GABRP: variants seen among roughly 807,000 people sequenced by gnomAD.
GABRP encodes the protein gamma-aminobutyric acid type A receptor subunit pi.
GABRP carries 52 observed loss-of-function variants against 47.8 expected under a neutral mutation model. The ratio of observed to expected loss-of-function variants is 1.09; its 90% CI spans 0.87 to 1.37. The LOEUF (loss-of-function observed/expected upper bound fraction) is 1.37. Among genes scored for constraint, GABRP ranks in the 40% most tolerant of loss-of-function variants. The probability of loss-of-function intolerance (pLI) is 0.00; values close to 1 mark genes in which losing one functional copy is unlikely to be tolerated. For synonymous variants in GABRP, 221 were observed against 205.8 expected (o/e 1.07, Z -0.63); for missense variants, 525 against 542.8 (o/e 0.97, Z 0.33).
chr5:170,793,080 T>A (rs924497442), intron 3 of GABRP, among the ~76,000 whole-genome samples: 1 of 152,138 alleles, frequency 6.6e-6, no homozygotes, highest in African/African-American at 2.4e-5. Flanking sequence ...TAACCAATGA[T>A]GAACACCTTC....
chr5:170,798,693 C>T (rs1765503827), intron 6 of GABRP, among the ~76,000 whole-genome samples: 1 of 152,044 alleles, frequency 6.6e-6, no homozygotes, highest in Non-Finnish European at 1.5e-5. Flanking sequence ...GACTTTTCAT[C>T]AATGTACTCA....
In GABRP at chr5:170,808,769, G is replaced by C. The variant is rs1252437950; in HGVS notation, c.832+17G>C. 1.2e-6 allele frequency: 2 copies of C among 1,610,856 alleles called. No individual in the cohort carries two copies. Among genetic ancestry groups the C allele is most frequent in the Non-Finnish European group, 1.7e-6 (2 of 1,178,538 alleles). ...CCTGCATTGGTAAGCAGCTCCAACA[G>C]GAGATTTCTAAGAACTGGCTTATCA... On this transcript the variant is annotated intron_variant, in intron 8 of 9. Coordinates refer to ENST00000265294, the MANE Select transcript of GABRP (RefSeq NM_014211.3).
At chr5:170,791,485 G>T (rs3805460) in intron 3 of GABRP, among the ~76,000 whole-genome samples, 2 of 152,208 alleles carry the variant, frequency 1.3e-5, no homozygotes, top group East Asian at 1.9e-4. Flanking sequence ...TTTGTAAGCA[G>T]GCACTAGTGA....
chr5:170,788,489 C>T (rs983818), intron 1 of GABRP, 85 bp from the exon 2 acceptor site: 87,478 of 875,208 alleles, frequency 0.1, 5,731 homozygotes, highest in Admixed American at 0.19. Context: ...AATGCTGTAC[C>T]GACCACCCAC....
At chr5:170,808,495 A>G (rs1454205794) in intron 7 of GABRP, 105 bp from the exon 8 acceptor site, 20 of 935,766 alleles carry the variant, frequency 2.1e-5, no homozygotes, top group Admixed American at 2.3e-5. Flanking sequence ...AACCAGATTT[A>G]GATCAATGAC....
At position 170,812,076 on chromosome 5, in the gene GABRP, A is replaced by T. The variant is rs757408152; in HGVS notation, c.1141A>T (p.Ser381Cys). Residue 381 changes from serine (S) to cysteine (C), a missense_variant, in exon 10 of 10, where the codon AGT (serine) becomes TGT (cysteine). Ser to Cys is a moderately radical substitution (Grantham distance 112). Transcript: ENST00000265294. ...IEISSDNVDY[S>C]DLTMKTSDKF... is the part of the protein sequence containing the mutation. The stretch of plus-strand genomic sequence containing the variant: ...AATTTCCAGCGACAACGTTGACTAC[A>T]GTGACTTGACAATGAAAACCAGCGA... 1 of 1,614,222 alleles carries T rather than the reference A, an allele frequency of 6.2e-7. No individual in the cohort carries two copies. The highest frequency in any genetic ancestry group is 8.5e-7 in the Non-Finnish European group (1 of 1,180,036).
At chr5:170,797,368 G>A in intron 5 of GABRP, 98 bp from the exon 6 acceptor site, 1 of 759,300 alleles carries the variant, frequency 1.3e-6, no homozygotes, top group East Asian at 2.5e-5. Flanking sequence ...TCATTTAAGA[G>A]TTCCAGTGAA....
Position 170,788,506 on chromosome 5 carries a change from G to C in GABRP, c.-42-68G>C. On this transcript the variant is annotated intron_variant, in intron 1 of 9. Coordinates refer to ENST00000265294, the MANE Select transcript of GABRP (RefSeq NM_014211.3). ...TGCTGTACCGACCACCCACCAGAGA[G>C]AGAGGCTGGCCAGGAGCAGGTGAGC... 5 of 1,040,192 alleles carry C rather than the reference G, an allele frequency of 4.8e-6. No individual in the cohort carries two copies. The South Asian group carries it at 5.2e-5, about 11-fold the overall frequency. 64.4% of individuals were successfully genotyped at this position (1,040,192 alleles called of 1,614,324 possible).
rs929069642 is a variant in GABRP, at chr5:170,808,760, G to A, written c.832+8G>A. Reference sequence around the variant, plus strand: ...CTGCAAGAACCTGCATTGGTAAGCAGCTCCAACAGGAGATTTCTAAGAACT... The same window carrying A: ...CTGCAAGAACCTGCATTGGTAAGCAACTCCAACAGGAGATTTCTAAGAACT... On this transcript the variant is annotated splice_region_variant and intron_variant, in intron 8 of 9. Transcript: ENST00000265294. The A allele has an allele frequency of 1.2e-6, 2 of 1,612,286 alleles. No individual in the cohort carries two copies. Among genetic ancestry groups the A allele is most frequent in the African/African-American group, 2.7e-5 (2 of 74,766 alleles).
chr5:170,793,212 C>T lies in GABRP; in HGVS notation c.173-1019C>T, dbSNP rs748724972. The stretch of plus-strand genomic sequence containing the variant: ...TGACCCTGTGATGTCAGTATGATCT[C>T]CACTTGCAGGTAAGAGAACTGCAGC... On this transcript the variant is annotated intron_variant, in intron 3 of 9. Transcript: ENST00000265294. 5.9e-5 allele frequency among the ~76,000 whole-genome samples: 9 copies of T among 152,256 alleles called. No homozygotes were observed. The South Asian group carries it at 1.0e-3, about 18-fold the overall frequency.
In GABRP at chr5:170,786,418, C is replaced by T. The variant is rs182560220; in HGVS notation, c.-42-2156C>T. ...AAACTGTTCTTCACTGATTTTGTAACGTAAAAACTTTGGAAATAACAGCAT... is the reference window on the plus strand; with the variant it reads ...AAACTGTTCTTCACTGATTTTGTAATGTAAAAACTTTGGAAATAACAGCAT... On this transcript the variant is annotated intron_variant, in intron 1 of 9. Coordinates refer to ENST00000265294, the MANE Select transcript of GABRP (RefSeq NM_014211.3). 5.8e-4 allele frequency among the ~76,000 whole-genome samples: 88 copies of T among 152,232 alleles called. 1 individual carries two copies. Among genetic ancestry groups the T allele is most frequent in the Non-Finnish European group, 1.1e-3 (76 of 68,006 alleles).
chr5:170,809,244 G>A lies in GABRP; in HGVS notation c.833-324G>A, dbSNP rs111780185. Among the ~76,000 whole-genome samples, 598 of 152,152 alleles carry A rather than the reference G, an allele frequency of 3.9e-3. 6 individuals carry two copies. Among genetic ancestry groups the A allele is most frequent in the African/African-American group, 0.013 (548 of 41,536 alleles). On this transcript the variant is annotated intron_variant, in intron 8 of 9. Transcript: ENST00000265294. ...GAGCCACTATGCCCTGCCAGGAGTG[G>A]TGCATTTTTAAACTTAAGTTTTACA...
intron 7 of GABRP, 93 bp downstream of exon 7, chr5:170,805,946 C>G: frequency 7.1e-7 from 1 of 1,402,174 alleles, no homozygotes; most frequent in Non-Finnish European, 9.8e-7. Flanking sequence ...CTCACTTTAC[C>G]TCCTTGGGAT....
intron 6 of GABRP, among the ~76,000 whole-genome samples, chr5:170,803,375 ACTAG>A (rs1765644483): frequency 2.6e-5 from 4 of 152,204 alleles, no homozygotes; most frequent in African/African-American, 9.7e-5. Flanking sequence ...TTTTGCCATC[ACTAG>A]CTCTGTGACT....
In GABRP at chr5:170,788,543, C is replaced by T. The variant is rs368211578; in HGVS notation, c.-42-31C>T. ...AGGAGCAGGTGAGCCTGTTGCACGG[C>T]CTTCCACTTACCTTGCCCCCTGTTT... On this transcript the variant is annotated intron_variant, in intron 1 of 9. Transcript: ENST00000265294. The T allele has an allele frequency of 1.5e-4, 216 of 1,486,270 alleles. No homozygotes were observed. In the African/African-American group the frequency reaches 2.3e-3, roughly 16 times the overall value. The allele number at this position is 1,486,270 out of a possible 1,614,324, so 92.1% of individuals were successfully genotyped here.
chr5:170,795,306 G>T lies in GABRP; in HGVS notation c.339G>T (p.Glu113Asp). ...KSFTLDARLV[E>D]FLWVPDTYIV... is the part of the protein sequence containing the mutation. ...TCACTCTGGATGCCCGCCTCGTGGAGTTCCTCTGGGTGCCAGATACTTACA... is the reference window on the plus strand; with the variant it reads ...TCACTCTGGATGCCCGCCTCGTGGATTTCCTCTGGGTGCCAGATACTTACA... The change falls in exon 5 of 10, where the codon GAG becomes GAT. Residue 113 changes from glutamate to aspartate, a missense_variant. Physicochemically the swap from Glu to Asp is conservative, Grantham distance 45. Transcript: ENST00000265294. 5 of 1,613,948 alleles carry T rather than the reference G, an allele frequency of 3.1e-6. No individual in the cohort carries two copies. Among genetic ancestry groups the T allele is most frequent in the Non-Finnish European group, 4.2e-6 (5 of 1,179,988 alleles).
intron 5 of GABRP, 87 bp downstream of exon 5, chr5:170,795,512 T>A: frequency 9.5e-7 from 1 of 1,055,060 alleles, no homozygotes; most frequent in Non-Finnish European, 1.5e-6. Flanking sequence ...TGACCAGAAC[T>A]CAAATAGCCA....
intron 5 of GABRP, 94 bp from the exon 6 acceptor site, chr5:170,797,372 C>T (rs1765458631): frequency 1.3e-6 from 1 of 773,482 alleles, no homozygotes; most frequent in South Asian, 1.5e-5. Context: ...TTAAGAGTTC[C>T]AGTGAAAGTC....
Position 170,788,356 on chromosome 5 carries a change from T to C in GABRP, c.-42-218T>C, listed in dbSNP as rs7443185. ...AGAGTGAGGCCCTGTTTAAAAAAAA[T>C]AAAAAATTAAAAAAAAAAAAAACAT... On this transcript the variant is annotated intron_variant, in intron 1 of 9. Transcript: ENST00000265294. 4 of 385,996 alleles carry C rather than the reference T, an allele frequency of 1.0e-5. No homozygotes were observed. The East Asian group carries it at 1.6e-4, about 16-fold the overall frequency. The allele number at this position is 385,996 out of a possible 1,614,324, so 23.9% of individuals were successfully genotyped here.
Sources: gnomAD v4.1 joint callset for allele counts (sites outside exome capture counted in the v4.1 genomes callset) on GRCh38, gnomAD v4.1.1 for gene constraint, MANE v1.5 for transcripts, NCBI Gene and HGNC (gene_info 2026-07-23, HGNC 2026-07-21) for gene names.